Variants in PACRG observed in about 807,000 individuals in gnomAD.
PACRG encodes the protein parkin coregulated gene protein.
Under a neutral mutation model 29.7 loss-of-function variants are expected in PACRG, and 29 were observed. The ratio of observed to expected loss-of-function variants is 0.98; its 90% CI spans 0.73 to 1.33. The LOEUF (loss-of-function observed/expected upper bound fraction) is 1.33. Ranked by LOEUF, PACRG falls within the 40% of genes most tolerant of loss-of-function variation. The pLI, the probability that PACRG is intolerant of heterozygous loss-of-function variation, is 0.00. For missense variants in PACRG, 279 were observed against 316.2 expected, an observed-to-expected ratio of 0.88 and a Z score of 0.89; for synonymous variants, 116 against 118.7, an observed-to-expected ratio of 0.98 and a Z score of 0.15.
At chr6:163,057,081 T>A (rs1810656651) in intron 2 of PACRG, among the ~76,000 whole-genome samples, 1 of 152,046 alleles carries the variant, frequency 6.6e-6, no homozygotes, top group Non-Finnish European at 1.5e-5. Flanking sequence ...AGGATTACAG[T>A]CAAAAGAGAA....
intron 2 of PACRG, among the ~76,000 whole-genome samples, chr6:162,870,412 A>G (rs1792701216): frequency 1.3e-5 from 2 of 152,084 alleles, no homozygotes; most frequent in South Asian, 4.1e-4. Flanking sequence ...CCACACGTAC[A>G]TTTCTTCTTT....
intron 2 of PACRG, among the ~76,000 whole-genome samples, chr6:162,912,024 G>A (rs926645880): frequency 6.6e-6 from 1 of 152,190 alleles, no homozygotes; most frequent in Non-Finnish European, 1.5e-5. Flanking sequence ...CAAAATGGTG[G>A]CCAGAAGACA....
chr6:162,955,904 C>T (rs530056741), intron 2 of PACRG, among the ~76,000 whole-genome samples: 12 of 152,226 alleles, frequency 7.9e-5, no homozygotes, highest in South Asian at 4.2e-4. Context: ...CAGCCTTGTA[C>T]GTGTACACAT....
chr6:162,865,790 T>A (rs532634963), intron 2 of PACRG, among the ~76,000 whole-genome samples: 1 of 149,198 alleles, frequency 6.7e-6, no homozygotes, highest in Non-Finnish European at 1.5e-5. Flanking sequence ...ATTTACTAGA[T>A]TTTTTTTTTC....
At chr6:162,904,997 A>C (rs73786130) in intron 2 of PACRG, among the ~76,000 whole-genome samples, 2 of 152,082 alleles carry the variant, frequency 1.3e-5, no homozygotes, top group African/African-American at 2.4e-5. Flanking sequence ...AGGACTATAC[A>C]TGGAGTTGAA....
At chr6:162,978,075 C>T (rs796144189) in intron 2 of PACRG, among the ~76,000 whole-genome samples, 1 of 150,322 alleles carries the variant, frequency 6.7e-6, no homozygotes, top group Admixed American at 6.6e-5. Flanking sequence ...ACCCGGGAGC[C>T]GGAGGTTGCA....
chr6:162,916,582 T>C (rs2128087068), intron 2 of PACRG, among the ~76,000 whole-genome samples: 1 of 152,300 alleles, frequency 6.6e-6, no homozygotes, highest in South Asian at 2.1e-4. Context: ...ATCTTTCTTA[T>C]GACATTATCC....
At chr6:163,312,956 T>C (rs893492803) in intron 4 of PACRG, 4 of 246,588 alleles carry the variant, frequency 1.6e-5, no homozygotes, top group Non-Finnish European at 2.4e-5. Context: ...GGTCTTGCTG[T>C]TGTTGCTCAG....
At chr6:163,254,882 G>A (rs933790182) in intron 4 of PACRG, among the ~76,000 whole-genome samples, 3 of 152,214 alleles carry the variant, frequency 2.0e-5, no homozygotes, top group African/African-American at 7.2e-5. Context: ...CAGAAGAGAT[G>A]ATCTTCAGCC....
chr6:163,033,410 C>A (rs1012765416), intron 2 of PACRG, among the ~76,000 whole-genome samples: 2 of 152,158 alleles, frequency 1.3e-5, no homozygotes, highest in African/African-American at 4.8e-5. Flanking sequence ...AGTGTATAAC[C>A]TTAAAGCATT....
At chr6:163,207,208 G>A (rs918698861) in intron 4 of PACRG, among the ~76,000 whole-genome samples, 2 of 152,086 alleles carry the variant, frequency 1.3e-5, no homozygotes, top group African/African-American at 4.8e-5. Context: ...TACTAAGAAA[G>A]CAAGCTTTCC....
chr6:162,792,635 T>C (rs1252253881), intron 1 of PACRG, among the ~76,000 whole-genome samples: 1 of 152,156 alleles, frequency 6.6e-6, no homozygotes, highest in African/African-American at 2.4e-5. Flanking sequence ...CCCAGTGTTA[T>C]AAAATGGATT....
chr6:163,191,889 A>C, intron 4 of PACRG: 1 of 404,506 alleles, frequency 2.5e-6, no homozygotes, highest in Non-Finnish European at 5.0e-6. Context: ...ACCCCAAAGC[A>C]GACTGTAAGC....
At chr6:162,762,391 T>C (rs893030333) in intron 1 of PACRG, among the ~76,000 whole-genome samples, 1 of 152,240 alleles carries the variant, frequency 6.6e-6, no homozygotes, top group Non-Finnish European at 1.5e-5. Context: ...AGAGAGCTCA[T>C]CTATGATGGA....
chr6:163,254,253 G>A (rs931288434), intron 4 of PACRG, among the ~76,000 whole-genome samples: 3 of 152,134 alleles, frequency 2.0e-5, no homozygotes, highest in African/African-American at 7.2e-5. Context: ...TCTGTGGATC[G>A]CAAGAGTCTG....
At chr6:162,871,721 A>G (rs1263256630) in intron 2 of PACRG, among the ~76,000 whole-genome samples, 8 of 152,176 alleles carry the variant, frequency 5.3e-5, no homozygotes, top group Admixed American at 4.6e-4. Flanking sequence ...AATCGAGACC[A>G]TCCTGGCTAA....
At chr6:162,898,248 T>C (rs1350533031) in intron 2 of PACRG, among the ~76,000 whole-genome samples, 2 of 152,162 alleles carry the variant, frequency 1.3e-5, no homozygotes, top group Non-Finnish European at 2.9e-5. Context: ...CGGAATCTCC[T>C]CTCTGCTGAG....
intron 4 of PACRG, among the ~76,000 whole-genome samples, chr6:163,228,289 T>A (rs1781886015): frequency 6.9e-6 from 1 of 144,456 alleles, no homozygotes; most frequent in Admixed American, 7.4e-5. Context: ...TCAGAGTCCC[T>A]GAGCCCAGAG....
chr6:163,147,826 C>A (rs867791475), intron 4 of PACRG, among the ~76,000 whole-genome samples: 1 of 152,148 alleles, frequency 6.6e-6, no homozygotes, highest in South Asian at 2.1e-4. Context: ...CTCCCAGCCC[C>A]GGGGAAGATG....
Sources: gnomAD v4.1 joint callset for allele counts (sites outside exome capture counted in the v4.1 genomes callset) on GRCh38, gnomAD v4.1.1 for gene constraint, MANE v1.5 for transcripts, NCBI Gene and HGNC (gene_info 2026-07-23, HGNC 2026-07-21) for gene names.